Variants in CCSER1 observed in about 807,000 individuals in gnomAD.
CCSER1 encodes the protein coiled-coil serine rich protein 1, also known as serine-rich coiled-coil domain-containing protein 1.
In CCSER1, 41 loss-of-function variants were observed where a neutral mutation model predicts 82.0. That is an observed-to-expected ratio of 0.50 (90% CI 0.39 to 0.65). The LOEUF is 0.65. Ranked by LOEUF, CCSER1 falls within the 30% of genes least tolerant of loss-of-function variation. The pLI is 0.00. For missense variants in CCSER1, 1,119 were observed against 1,064.2 expected (o/e 1.05, Z -0.72); for synonymous variants, 414 against 383.9 (o/e 1.08, Z -0.92).
chr4:90,364,306 C>T (rs1266183154), intron 3 of CCSER1, among the ~76,000 whole-genome samples: 2 of 151,980 alleles, frequency 1.3e-5, no homozygotes, highest in African/African-American at 4.8e-5. Flanking sequence ...TCACATTTTT[C>T]CCACTAACTG....
intron 10 of CCSER1, among the ~76,000 whole-genome samples, chr4:91,402,273 C>G (rs1017398268): frequency 6.6e-6 from 1 of 151,994 alleles, no homozygotes; most frequent in Non-Finnish European, 1.5e-5. Context: ...TGTTTAAGTT[C>G]TTTGTAGATT....
At position 91,171,350 on chromosome 4, in the gene CCSER1, C is replaced by A. The variant is rs373361855; in HGVS notation, c.2217+85356C>A. ...TTGTTTGTTATAAATAATTACTTAG[C>A]AAACGATATCAGCAGACATCTGTTT... On this transcript the variant is annotated intron_variant, in intron 10 of 10. Coordinates refer to ENST00000509176, the MANE Select transcript of CCSER1 (RefSeq NM_001145065.2). 4.0e-4 allele frequency among the ~76,000 whole-genome samples: 61 copies of A among 152,220 alleles called. 2 individuals are homozygous for A. The South Asian group carries it at 0.013, about 32-fold the overall frequency.
At chr4:91,554,074 A>G (rs1210982163) in intron 10 of CCSER1, among the ~76,000 whole-genome samples, 1 of 151,504 alleles carries the variant, frequency 6.6e-6, no homozygotes, top group Non-Finnish European at 1.5e-5. Flanking sequence ...AAGTTTTGGT[A>G]TATTGTGCTC....
At chr4:90,953,625 T>C (rs1368072829) in intron 9 of CCSER1, among the ~76,000 whole-genome samples, 1 of 151,740 alleles carries the variant, frequency 6.6e-6, no homozygotes, top group African/African-American at 2.4e-5. Flanking sequence ...TATGTTAATA[T>C]AGTTAAATAT....
intron 3 of CCSER1, among the ~76,000 whole-genome samples, chr4:90,396,594 C>T (rs1321793079): frequency 6.6e-6 from 1 of 151,948 alleles, no homozygotes; most frequent in Non-Finnish European, 1.5e-5. Context: ...AAAAAGCTAA[C>T]CTTCAACAGT....
At chr4:91,533,108 G>A (rs1041438986) in intron 10 of CCSER1, among the ~76,000 whole-genome samples, 13 of 151,948 alleles carry the variant, frequency 8.6e-5, no homozygotes, top group Admixed American at 5.3e-4. Flanking sequence ...GTAAATGCAC[G>A]GGCAATAAGT....
intron 8 of CCSER1, among the ~76,000 whole-genome samples, chr4:90,828,898 A>C (rs1760805914): frequency 6.6e-6 from 1 of 152,166 alleles, no homozygotes; most frequent in African/African-American, 2.4e-5. Context: ...TAAATTATAT[A>C]GATGAAAGAT....
intron 10 of CCSER1, among the ~76,000 whole-genome samples, chr4:91,183,407 G>A (rs1254861366): frequency 6.6e-6 from 1 of 151,982 alleles, no homozygotes; most frequent in Non-Finnish European, 1.5e-5. Flanking sequence ...ACCTTCAATT[G>A]GTTTAAATTT....
intron 1 of CCSER1, among the ~76,000 whole-genome samples, chr4:90,146,977 A>G (rs551940675): frequency 5.9e-5 from 9 of 152,174 alleles, no homozygotes; most frequent in African/African-American, 1.7e-4. Context: ...TCAAACCACA[A>G]TGTTTCTTCT....
chr4:91,584,775 T>C (rs1763906003), intron 10 of CCSER1, among the ~76,000 whole-genome samples: 1 of 151,580 alleles, frequency 6.6e-6, no homozygotes, highest in South Asian at 2.1e-4. Flanking sequence ...AACATTGTTA[T>C]TAAAAATTAT....
intron 5 of CCSER1, among the ~76,000 whole-genome samples, chr4:90,477,595 A>C (rs1216487050): frequency 2.0e-5 from 3 of 152,150 alleles, no homozygotes; most frequent in Non-Finnish European, 4.4e-5. Context: ...TTGCCTATTC[A>C]CAATATGTGA....
intron 3 of CCSER1, among the ~76,000 whole-genome samples, chr4:90,386,928 G>A (rs1750151150): frequency 6.6e-6 from 1 of 152,084 alleles, no homozygotes; most frequent in Non-Finnish European, 1.5e-5. Flanking sequence ...TTTATCAGTA[G>A]CTGAAATGAT....
intron 9 of CCSER1, among the ~76,000 whole-genome samples, chr4:90,982,804 G>A (rs1480199259): frequency 6.6e-6 from 1 of 151,670 alleles, no homozygotes; most frequent in East Asian, 2.0e-4. Flanking sequence ...AGTGAGAAAA[G>A]ATATTCTCTA....
chr4:90,707,537 A>AT (rs1560987256), intron 6 of CCSER1, among the ~76,000 whole-genome samples: 18 of 138,106 alleles, frequency 1.3e-4, no homozygotes, highest in East Asian at 6.1e-4. Context: ...CTTAAAAAAA[A>AT]AATATATATA....
intron 2 of CCSER1, among the ~76,000 whole-genome samples, chr4:90,311,423 G>A (rs1220132906): frequency 6.6e-6 from 1 of 152,032 alleles, no homozygotes; most frequent in Non-Finnish European, 1.5e-5. Flanking sequence ...TTGCTGATTT[G>A]ATAATGTGTT....
At chr4:90,532,026 A>G (rs1431616680) in intron 5 of CCSER1, among the ~76,000 whole-genome samples, 1 of 152,166 alleles carries the variant, frequency 6.6e-6, no homozygotes, top group Non-Finnish European at 1.5e-5. Context: ...TAATGAGAAT[A>G]AAGAAAATAT....
chr4:91,539,444 TAC>T (rs1761475653), intron 10 of CCSER1, among the ~76,000 whole-genome samples: 1 of 152,140 alleles, frequency 6.6e-6, no homozygotes, highest in Non-Finnish European at 1.5e-5. Context: ...TTCTAATATA[TAC>T]TCTCTTTTCT....
At chr4:90,289,303 A>T (rs545632017) in intron 1 of CCSER1, among the ~76,000 whole-genome samples, 1 of 152,018 alleles carries the variant, frequency 6.6e-6, no homozygotes, top group South Asian at 2.1e-4. Context: ...ATGTCCTTTT[A>T]CCTTATAGGA....
At chr4:90,169,367 A>G (rs578154096) in intron 1 of CCSER1, among the ~76,000 whole-genome samples, 19 of 152,210 alleles carry the variant, frequency 1.2e-4, no homozygotes, top group East Asian at 9.7e-4. Flanking sequence ...CAGCTTAAGG[A>G]GATTTTGGGC....
Sources: gnomAD v4.1 joint callset for allele counts (sites outside exome capture counted in the v4.1 genomes callset) on GRCh38, gnomAD v4.1.1 for gene constraint, MANE v1.5 for transcripts, NCBI Gene and HGNC (gene_info 2026-07-23, HGNC 2026-07-21) for gene names.